The following PEX11G variants were observed in gnomAD, a reference collection of about 807,000 sequenced individuals.
PEX11G encodes peroxisomal biogenesis factor 11 gamma, also known as peroxisomal membrane protein 11C.
A neutral mutation model predicts 22.5 loss-of-function variants in PEX11G; 20 were observed. The ratio of observed to expected loss-of-function variants is 0.89; its 90% confidence interval spans 0.62 to 1.29. The LOEUF (loss-of-function observed/expected upper bound fraction) is 1.29, where lower values mean the gene tolerates loss of function less well. PEX11G is among the 50% of genes most tolerant of loss of function. The probability of loss-of-function intolerance (pLI) is 0.00; values close to 1 mark genes in which losing one functional copy is unlikely to be tolerated. For synonymous variants in PEX11G, 141 were observed against 154.5 expected (o/e 0.91, Z 0.65); for missense variants, 347 against 331.3 (o/e 1.05, Z -0.37).
upstream of PEX11G, chr19:7,489,527 TAAA>T: frequency 4.1e-6 from 4 of 978,180 alleles, no homozygotes; most frequent in Non-Finnish European, 4.9e-6. Flanking sequence ...AATACATAAA[TAAA>T]AAATAAAAAT....
chr19:7,482,326 G>A (rs1977535108), intron 2 of PEX11G, 115 bp from the exon 3 acceptor site: 4 of 1,241,938 alleles, frequency 3.2e-6, no homozygotes, highest in South Asian at 1.6e-5. Context: ...CCTGGGCCGT[G>A]TCCAGGCCTG....
upstream of PEX11G, among the ~76,000 whole-genome samples, chr19:7,491,601 A>G (rs1232505043): frequency 6.6e-6 from 1 of 151,480 alleles, no homozygotes; most frequent in African/African-American, 2.4e-5. Flanking sequence ...GAATCATACA[A>G]TATGTGACCA....
upstream of PEX11G, among the ~76,000 whole-genome samples, chr19:7,493,893 C>A (rs1205893221): frequency 2.0e-5 from 3 of 149,312 alleles, no homozygotes; most frequent in African/African-American, 7.4e-5. Flanking sequence ...CCCTCTCCCC[C>A]AGTGGGGGGG....
upstream of PEX11G, among the ~76,000 whole-genome samples, chr19:7,491,712 G>A (rs1359808088): frequency 6.6e-6 from 1 of 152,116 alleles, no homozygotes; most frequent in African/African-American, 2.4e-5. Context: ...GAGTGCGGTG[G>A]TGTGATCATA....
chr19:7,484,093 C>T (rs1222240883), intron 2 of PEX11G, among the ~76,000 whole-genome samples: 4 of 152,290 alleles, frequency 2.6e-5, no homozygotes, highest in East Asian at 3.9e-4. Context: ...CGGTGGCTCA[C>T]GCCTGTCATC....
At position 7,489,012 on chromosome 19, in the gene PEX11G, G is replaced by A. The variant is rs780688102; in HGVS notation, c.-2C>T. 2.0e-6 allele frequency: 3 copies of A among 1,535,616 alleles called. No homozygotes were observed. The highest frequency in any genetic ancestry group is 2.0e-5 in the Admixed American group (1 of 50,802). On this transcript the variant is annotated 5_prime_UTR_variant, in exon 1 of 5. Coordinates refer to ENST00000221480, the MANE Select transcript of PEX11G (RefSeq NM_080662.4). ...CGCCAGGCCGCTCAGCGACGCCATGGCAACTCCGTGACGTCACCGCGACGT... is the reference window on the plus strand; with the variant it reads ...CGCCAGGCCGCTCAGCGACGCCATGACAACTCCGTGACGTCACCGCGACGT...
At chr19:7,485,065 G>A (rs1294938545) in intron 2 of PEX11G, among the ~76,000 whole-genome samples, 1 of 152,064 alleles carries the variant, frequency 6.6e-6, no homozygotes, top group Non-Finnish European at 1.5e-5. Context: ...GCTAAGGCGG[G>A]AGGACCACCT....
rs199832453 is a variant in PEX11G, at chr19:7,482,136, C to T, written c.325G>A (p.Val109Met). The change falls in exon 3 of 5, where the codon GTG (valine) becomes ATG (methionine). Residue 109 changes from valine to methionine, a missense_variant. By Grantham distance (21) the Val-to-Met change is conservative (BLOSUM62 1). Coordinates refer to ENST00000221480, the MANE Select transcript of PEX11G (RefSeq NM_080662.4). ...ADQLYYPCEH[V>M]AWAADARVLH... ...ACCCGGGCATCAGCCGCCCAGGCCACGTGCTCACAGGGGTAGTAGAGCTGG... is the reference window on the plus strand; with the variant it reads ...ACCCGGGCATCAGCCGCCCAGGCCATGTGCTCACAGGGGTAGTAGAGCTGG... 41 of 1,596,372 alleles carry T rather than the reference C, an allele frequency of 2.6e-5. No homozygotes were observed. The highest frequency in any genetic ancestry group is 2.4e-5 in the Non-Finnish European group (28 of 1,172,012).
chr19:7,489,187 A>G (rs2021818071), upstream of PEX11G: 1 of 759,698 alleles, frequency 1.3e-6, no homozygotes, highest in Non-Finnish European at 1.6e-6. Context: ...TGGGGCCGAC[A>G]CGTGTGTGCT....
chr19:7,478,395 A>AG lies in PEX11G; in HGVS notation c.429-20dup, dbSNP rs1568378272. 1.2e-6 allele frequency: 2 copies of AG among 1,602,904 alleles called. No individual in the cohort carries two copies. Among genetic ancestry groups the AG allele is most frequent in the Admixed American group, 3.4e-5 (2 of 58,256 alleles). Reference sequence around the variant, plus strand: ...CAGGGACCTGCAGCACCAGAGCCCGAGGGAGGATGCCCCGGCGGGGAGCAG... The same window carrying AG: ...CAGGGACCTGCAGCACCAGAGCCCGAGGGGAGGATGCCCCGGCGGGGAGCAG... On this transcript the variant is annotated intron_variant, in intron 3 of 4. Coordinates refer to ENST00000221480, the MANE Select transcript of PEX11G (RefSeq NM_080662.4).
chr19:7,477,477 C>A, intron 4 of PEX11G, 41 bp from the exon 5 acceptor site: 1 of 1,363,158 alleles, frequency 7.3e-7, no homozygotes. Context: ...ACGCTCACAC[C>A]TGCCTGCCCT....
upstream of PEX11G, among the ~76,000 whole-genome samples, chr19:7,490,642 A>ATTTTT (rs749165168): frequency 1.6e-4 from 9 of 55,114 alleles, no homozygotes; most frequent in African/African-American, 2.3e-4. Context: ...CCTGGCCTCT[A>ATTTTT]TTTTTTTTTT....
chr19:7,477,380 A>G lies in PEX11G; in HGVS notation c.548T>C (p.Leu183Pro), dbSNP rs1361208410. 5 of 1,553,570 alleles carry G rather than the reference A, an allele frequency of 3.2e-6. No individual in the cohort carries two copies. The highest frequency in any genetic ancestry group is 4.3e-6 in the Non-Finnish European group (5 of 1,151,856). The change falls in exon 5 of 5, where the codon CTG (leucine) becomes CCG (proline). Residue 183 changes from leucine (L) to proline (P), a missense_variant. Physicochemically the swap from Leu to Pro is moderately conservative, Grantham distance 98. Coordinates refer to ENST00000221480, the MANE Select transcript of PEX11G (RefSeq NM_080662.4). ...GTCGGCCAGGTTGCTGAGAAGTGAC[A>G]GCGCCTCCGACTGCATCTGCGCCTC... ...AMEAQMQSEA[L>P]SLLSNLADLA...
chr19:7,483,537 G>A (rs1286897212), intron 2 of PEX11G, among the ~76,000 whole-genome samples: 1 of 152,214 alleles, frequency 6.6e-6, no homozygotes, highest in Non-Finnish European at 1.5e-5. Context: ...CCCCTTGCCT[G>A]AGGGCTCTTC....
At chr19:7,489,330 C>G, upstream of PEX11G, 1 of 1,135,398 alleles carries the variant, frequency 8.8e-7, no homozygotes, top group Non-Finnish European at 1.1e-6. Context: ...CAAAAATATT[C>G]CAAGCAAAAC....
intron 1 of PEX11G, among the ~76,000 whole-genome samples, chr19:7,487,012 A>T (rs1011031803): frequency 7.9e-4 from 120 of 151,670 alleles, no homozygotes; most frequent in African/African-American, 2.7e-3. Context: ...GTGCTACTAC[A>T]CTCCAGCCTG....
At chr19:7,487,045 T>TAA (rs199593423) in intron 1 of PEX11G, among the ~76,000 whole-genome samples, 2 of 143,680 alleles carry the variant, frequency 1.4e-5, no homozygotes, top group African/African-American at 2.6e-5. Flanking sequence ...AGACCCTGTC[T>TAA]AAAAAAAGAA....
chr19:7,478,921 A>C (rs534575425), intron 3 of PEX11G, among the ~76,000 whole-genome samples: 1 of 152,194 alleles, frequency 6.6e-6, no homozygotes, highest in Non-Finnish European at 1.5e-5. Flanking sequence ...GGGGCTACCC[A>C]GTGGGCAGCC....
upstream of PEX11G, among the ~76,000 whole-genome samples, chr19:7,489,952 G>A (rs529951600): frequency 5.9e-5 from 9 of 151,558 alleles, no homozygotes; most frequent in South Asian, 1.9e-3. Context: ...CCGCTTCCCT[G>A]GTTCAAGCGA....
Sources: gnomAD v4.1 joint callset for allele counts (sites outside exome capture counted in the v4.1 genomes callset) on GRCh38, gnomAD v4.1.1 for gene constraint, MANE v1.5 for transcripts, NCBI Gene and HGNC (gene_info 2026-07-23, HGNC 2026-07-21) for gene names.